The following MAST4 variants were observed in gnomAD, a reference collection of about 807,000 sequenced individuals.
The protein encoded by MAST4 is microtubule-associated serine/threonine-protein kinase 4.
Under a neutral mutation model 162.7 loss-of-function variants are expected in MAST4, and 89 were observed. That is an observed-to-expected ratio of 0.55 (90% CI 0.46 to 0.65). MAST4 has a LOEUF of 0.65. MAST4 is among the 30% of genes least tolerant of loss of function. The pLI is 0.00. For synonymous variants in MAST4, 1,479 were observed against 1,361.1 expected (o/e 1.09, Z -1.91); for missense variants, 3,153 against 3,374.0 (o/e 0.93, Z 1.62).
chr5:66,929,828 A>C lies in MAST4; in HGVS notation c.674+29846A>C, dbSNP rs192752756. ...AACATGAAGGTAGACTCTACATGCTAAGGATGATGGAACTGCAAGGTGGAA... is the reference window on the plus strand; with the variant it reads ...AACATGAAGGTAGACTCTACATGCTCAGGATGATGGAACTGCAAGGTGGAA... On this transcript the variant is annotated intron_variant, in intron 4 of 28. Transcript: ENST00000403625. 1.1e-4 allele frequency among the ~76,000 whole-genome samples: 17 copies of C among 152,322 alleles called. No individual in the cohort carries two copies. The East Asian group carries it at 3.1e-3, about 28-fold the overall frequency.
At chr5:66,936,530 G>A (rs552893732) in intron 4 of MAST4, among the ~76,000 whole-genome samples, 1 of 152,264 alleles carries the variant, frequency 6.6e-6, no homozygotes, top group Admixed American at 6.5e-5. Flanking sequence ...CAGTCAAAGG[G>A]GGTTGTTCTC....
intron 1 of MAST4, among the ~76,000 whole-genome samples, chr5:66,651,529 T>C (rs1425577001): frequency 1.3e-5 from 2 of 152,262 alleles, no homozygotes; most frequent in East Asian, 3.9e-4. Context: ...ATAGTGATTG[T>C]TACCATTGGC....
At chr5:67,142,350 A>G in intron 20 of MAST4, 71 bp from the exon 21 acceptor site, 1 of 1,517,222 alleles carries the variant, frequency 6.6e-7, no homozygotes, top group Non-Finnish European at 9.0e-7. Context: ...TTGATCCAGA[A>G]AATCATAATT....
chr5:67,117,007 C>T (rs111455528), intron 12 of MAST4, among the ~76,000 whole-genome samples: 2,935 of 152,238 alleles, frequency 0.019, 104 homozygotes, highest in African/African-American at 0.067. Context: ...TCCAAATTGA[C>T]GCACCTCTTT....
intron 3 of MAST4, among the ~76,000 whole-genome samples, chr5:66,888,146 T>G (rs953611783): frequency 5.9e-5 from 9 of 152,256 alleles, no homozygotes; most frequent in Admixed American, 5.9e-4. Flanking sequence ...ATATATATCT[T>G]CTATAAGCTA....
chr5:66,894,002 A>G (rs1023939291), intron 3 of MAST4, among the ~76,000 whole-genome samples: 1 of 152,166 alleles, frequency 6.6e-6, no homozygotes, highest in East Asian at 1.9e-4. Context: ...GAGCCTGTAC[A>G]CCCAGCTAAT....
chr5:67,126,496 G>A (rs1768249211), intron 14 of MAST4, among the ~76,000 whole-genome samples: 1 of 152,132 alleles, frequency 6.6e-6, no homozygotes. Context: ...ATTTTAAATA[G>A]GGAATCCTTT....
intron 10 of MAST4, 70 bp downstream of exon 10, chr5:67,104,645 A>G (rs966068206): frequency 4.2e-5 from 52 of 1,225,378 alleles, no homozygotes; most frequent in Middle Eastern, 2.2e-4. Flanking sequence ...TTTTTTGCTT[A>G]CAAGTTATAA....
intron 10 of MAST4, among the ~76,000 whole-genome samples, chr5:67,109,263 C>T (rs1765938698): frequency 6.6e-6 from 1 of 151,952 alleles, no homozygotes; most frequent in African/African-American, 2.4e-5. Flanking sequence ...ATTCAAATTC[C>T]AAAATGCTCC....
intron 4 of MAST4, among the ~76,000 whole-genome samples, chr5:66,918,149 A>G (rs755711867): frequency 1.5e-4 from 23 of 152,156 alleles, no homozygotes; most frequent in Admixed American, 6.5e-5. Flanking sequence ...ATATTGGGAT[A>G]TAGCCATGAC....
At chr5:66,771,312 G>A (rs1204091658) in intron 2 of MAST4, among the ~76,000 whole-genome samples, 8 of 151,774 alleles carry the variant, frequency 5.3e-5, no homozygotes, top group Non-Finnish European at 7.4e-5. Flanking sequence ...AGCCTCCTGC[G>A]TAGCTGGGAC....
At position 67,164,042 on chromosome 5, in the gene MAST4, G is replaced by A. The variant is rs770282879; in HGVS notation, c.4863G>A (p.Ser1621=). 5 of 1,579,654 alleles carry A rather than the reference G, an allele frequency of 3.2e-6. No homozygotes were observed. The highest frequency in any genetic ancestry group is 4.3e-6 in the Non-Finnish European group (5 of 1,162,628). ...TGCGCGCCAGCGAGGGTGCGATGTC[G>A]GATGGCCGGGTGCCTGCGGAGCACC... ...ASVRASEGAM[S]DGRVPAEHRQ... Residue 1621 remains serine (S), a synonymous_variant, in exon 29 of 29, where the codon TCG becomes TCA. Coordinates refer to ENST00000403625, the MANE Select transcript of MAST4 (RefSeq NM_001164664.2). This position sits in a 1 kb window ranked among gnomAD's most constrained non-coding sequence, Gnocchi z 5.3.
intron 4 of MAST4, among the ~76,000 whole-genome samples, chr5:66,970,282 G>A (rs569293629): frequency 4.9e-4 from 74 of 152,354 alleles, no homozygotes; most frequent in African/African-American, 1.7e-3. Context: ...GAGGAGGACA[G>A]GGTGGGGTAG....
chr5:67,123,855 A>G (rs1019618658), intron 14 of MAST4, among the ~76,000 whole-genome samples: 6 of 152,184 alleles, frequency 3.9e-5, no homozygotes, highest in African/African-American at 1.4e-4. Context: ...GGGGCCCAGG[A>G]CATGTGCCAA....
rs777906145 is a variant in MAST4 at position 67,100,583 on chromosome 5, G to A, written c.1061G>A (p.Arg354Gln). 31 of 1,613,664 alleles carry A rather than the reference G, an allele frequency of 1.9e-5. No individual in the cohort carries two copies. Among genetic ancestry groups the A allele is most frequent in the Admixed American group, 3.3e-5 (2 of 59,978 alleles). Residue 354 changes from arginine to glutamine, a missense_variant, in exon 8 of 29, where the codon CGA becomes CAA. Around this residue, in one of 7 missense-constraint regions of MAST4, gnomAD observed 360 missense variants for 450.0 expected, o/e 0.80. Coordinates refer to ENST00000403625, the MANE Select transcript of MAST4 (RefSeq NM_001164664.2). ...CRNTPMRPRS[R>Q]SLSPGRSPAC... Reference sequence around the variant, plus strand: ...AACACGCCGATGCGCCCCCGTTCCCGAAGTCTGAGGTGTGTGGGCCTGGCT... The same window carrying A: ...AACACGCCGATGCGCCCCCGTTCCCAAAGTCTGAGGTGTGTGGGCCTGGCT...
At chr5:67,063,370 C>G (rs1239720061) in intron 5 of MAST4, among the ~76,000 whole-genome samples, 1 of 152,156 alleles carries the variant, frequency 6.6e-6, no homozygotes, top group East Asian at 1.9e-4. Flanking sequence ...TTCCTTTATG[C>G]AGATCCATCT....
intron 1 of MAST4, among the ~76,000 whole-genome samples, chr5:66,653,244 A>G (rs966029199): frequency 5.3e-5 from 8 of 152,212 alleles, no homozygotes; most frequent in East Asian, 1.9e-4. Flanking sequence ...CTAAAATCAC[A>G]TCATTTCTCC....
intron 5 of MAST4, among the ~76,000 whole-genome samples, chr5:67,065,697 C>A (rs1300152213): frequency 6.6e-6 from 1 of 152,142 alleles, no homozygotes; most frequent in African/African-American, 2.4e-5. Flanking sequence ...TTTTTTGGCA[C>A]ATTTAAATAT....
intron 1 of MAST4, among the ~76,000 whole-genome samples, chr5:66,704,603 C>G (rs990159194): frequency 6.7e-6 from 1 of 149,664 alleles, no homozygotes; most frequent in Non-Finnish European, 1.5e-5. Context: ...CGGGTTCACG[C>G]CATTCTCCCG....
Sources: gnomAD v4.1 joint callset for allele counts (sites outside exome capture counted in the v4.1 genomes callset) on GRCh38, gnomAD v4.1.1 for gene constraint, gnomAD v4.1.1 regional missense constraint, Gnocchi (gnomAD v3.1) non-coding constraint, MANE v1.5 for transcripts, NCBI Gene and HGNC (gene_info 2026-07-23, HGNC 2026-07-21) for gene names.